Variants in MYO1D observed in about 807,000 individuals in gnomAD.
The protein encoded by MYO1D is myosin ID.
Under a neutral mutation model 122.0 loss-of-function variants are expected in MYO1D, and 83 were observed. The ratio of observed to expected loss-of-function variants is 0.68; its 90% CI spans 0.57 to 0.82. The LOEUF (loss-of-function observed/expected upper bound fraction) is 0.82, where lower values mean the gene tolerates loss of function less well. Ranked by LOEUF, MYO1D falls within the 40% of genes least tolerant of loss-of-function variation. The pLI is 0.00. For missense variants in MYO1D, 1,157 were observed against 1,269.5 expected (o/e 0.91, Z 1.35); for synonymous variants, 464 against 446.9 (o/e 1.04, Z -0.48).
chr17:32,742,642 T>C (rs2089785646), intron 13 of MYO1D, among the ~76,000 whole-genome samples: 2 of 152,226 alleles, frequency 1.3e-5, no homozygotes. Flanking sequence ...TCCCTCAAAA[T>C]GAATGTACCT....
At chr17:32,620,047 C>T (rs1341603093) in intron 20 of MYO1D, among the ~76,000 whole-genome samples, 1 of 152,208 alleles carries the variant, frequency 6.6e-6, no homozygotes, top group Non-Finnish European at 1.5e-5. Flanking sequence ...AAATACTTTA[C>T]TGCCGGATGG....
intron 1 of MYO1D, among the ~76,000 whole-genome samples, chr17:32,797,151 A>G (rs1178728289): frequency 6.6e-6 from 1 of 152,098 alleles, no homozygotes; most frequent in Non-Finnish European, 1.5e-5. Flanking sequence ...TTTGTATTTT[A>G]GTAGAGATGG....
intron 21 of MYO1D, among the ~76,000 whole-genome samples, chr17:32,597,301 G>C (rs1362733922): frequency 6.6e-6 from 1 of 152,148 alleles, no homozygotes; most frequent in Admixed American, 6.5e-5. Context: ...TCCCTGTACT[G>C]AGGTGTCTCA....
At chr17:32,850,803 G>T (rs1260546030) in intron 1 of MYO1D, among the ~76,000 whole-genome samples, 2 of 152,108 alleles carry the variant, frequency 1.3e-5, no homozygotes, top group South Asian at 2.1e-4. Context: ...GTCTTATCAA[G>T]GCTTGGATTG....
chr17:32,865,425 T>C (rs1395263924), intron 1 of MYO1D, among the ~76,000 whole-genome samples: 3 of 152,212 alleles, frequency 2.0e-5, no homozygotes, highest in Non-Finnish European at 4.4e-5. Context: ...CTTGTGAATA[T>C]ACAGTAAGTG....
chr17:32,634,369 C>G (rs146751114), intron 20 of MYO1D, among the ~76,000 whole-genome samples: 6 of 152,248 alleles, frequency 3.9e-5, no homozygotes, highest in Non-Finnish European at 7.4e-5. Context: ...ATTGCTCCAC[C>G]CAGTGTGGAA....
chr17:32,663,414 G>T (rs967493050), intron 16 of MYO1D, among the ~76,000 whole-genome samples: 1 of 152,052 alleles, frequency 6.6e-6, no homozygotes, highest in East Asian at 1.9e-4. Flanking sequence ...ACCTTATCCA[G>T]TCATTCAGTT....
At chr17:32,629,854 A>G (rs1212245958) in intron 20 of MYO1D, among the ~76,000 whole-genome samples, 1 of 152,204 alleles carries the variant, frequency 6.6e-6, no homozygotes. Context: ...TGCATGTAGC[A>G]CTGTACTCTA....
chr17:32,752,826 T>C (rs1471826089), intron 11 of MYO1D, among the ~76,000 whole-genome samples: 4 of 152,176 alleles, frequency 2.6e-5, no homozygotes, highest in South Asian at 2.1e-4. Flanking sequence ...GGAATGTAAA[T>C]TAATACAACT....
At chr17:32,567,163 A>C (rs2087181670) in intron 21 of MYO1D, among the ~76,000 whole-genome samples, 1 of 152,170 alleles carries the variant, frequency 6.6e-6, no homozygotes, top group South Asian at 2.1e-4. Flanking sequence ...TAAATTGAGC[A>C]GGAAATGAAA....
At chr17:32,595,544 CAGG>C (rs1368028793) in intron 21 of MYO1D, among the ~76,000 whole-genome samples, 2 of 152,212 alleles carry the variant, frequency 1.3e-5, no homozygotes, top group South Asian at 2.1e-4. Context: ...TTCTTTCATA[CAGG>C]AGAAGGATTG....
intron 21 of MYO1D, among the ~76,000 whole-genome samples, chr17:32,564,995 A>T (rs2087159615): frequency 6.6e-6 from 1 of 150,520 alleles, no homozygotes; most frequent in Non-Finnish European, 1.5e-5. Flanking sequence ...CATTATAAAG[A>T]AAAAGAAAAT....
chr17:32,605,158 G>C lies in MYO1D; in HGVS notation c.2793C>G (p.Leu931=), dbSNP rs115981197. The C allele has an allele frequency of 7.5e-6, 12 of 1,610,544 alleles. No individual in the cohort carries two copies. The South Asian group carries it at 1.3e-4, about 18-fold the overall frequency. ...TKDNKDLIVC[L]FSKQPTHESR... ...TCTCATGGGTTGGCTGTTTGCTGAA[G>C]AGGCAGACAATGAGGTCTTTGTTGT... The change falls in exon 21 of 22, where the codon CTC becomes CTG. Residue 931 remains leucine (L), a synonymous_variant. Coordinates refer to ENST00000318217, the MANE Select transcript of MYO1D (RefSeq NM_015194.3).
rs1002723456 is a variant in MYO1D at position 32,493,907 on chromosome 17, C to T, written c.*852G>A. On this transcript the variant is annotated 3_prime_UTR_variant, in exon 22 of 22. Coordinates refer to ENST00000318217, the MANE Select transcript of MYO1D (RefSeq NM_015194.3). The stretch of plus-strand genomic sequence containing the variant: ...GAAAGCGGCCGACCCTGAGGGCTGC[C>T]CTCACCCTGGCAGCTCCCCGTTCTC... 1.3e-5 allele frequency: 2 copies of T among 152,272 alleles called. No homozygotes were observed. Among genetic ancestry groups the T allele is most frequent in the African/African-American group, 2.4e-5 (1 of 41,458 alleles). 9.4% of individuals were successfully genotyped at this position (152,272 alleles called of 1,614,324 possible).
intron 21 of MYO1D, among the ~76,000 whole-genome samples, chr17:32,552,787 C>T (rs772255947): frequency 2.6e-5 from 4 of 152,088 alleles, no homozygotes; most frequent in South Asian, 2.1e-4. Context: ...CTATAGTAAG[C>T]GAAACCACAG....
At position 32,730,275 on chromosome 17, in the gene MYO1D, G is replaced by A. The variant is rs546088838; in HGVS notation, c.1746+7978C>T. On this transcript the variant is annotated intron_variant, in intron 14 of 21. Coordinates refer to ENST00000318217, the MANE Select transcript of MYO1D (RefSeq NM_015194.3). ...TTTTTATTATTTTTTTCTGAACTAAGGACCTTAAACACTGGAATTACAATT... is the reference window on the plus strand; with the variant it reads ...TTTTTATTATTTTTTTCTGAACTAAAGACCTTAAACACTGGAATTACAATT... Among the ~76,000 whole-genome samples the A allele has an allele frequency of 6.6e-5, 10 of 151,914 alleles. No individual in the cohort carries two copies. The South Asian group carries it at 1.7e-3, about 25-fold the overall frequency.
chr17:32,505,702 C>T (rs1472385263), intron 21 of MYO1D: 2 of 152,220 alleles, frequency 1.3e-5, no homozygotes, highest in Admixed American at 6.5e-5. Flanking sequence ...CTCACACTTT[C>T]CTTTCTCTTG....
In MYO1D at chr17:32,605,209, G is replaced by A. The variant is rs749298652; in HGVS notation, c.2742C>T (p.Asp914=). The A allele has an allele frequency of 6.3e-7, 1 of 1,589,452 alleles. No homozygotes were observed. Among genetic ancestry groups the A allele is most frequent in the Admixed American group, 1.7e-5 (1 of 59,708 alleles). The part of the protein sequence containing the change: ...LTGLSVSNGK[D]QLVVFHTKDN... ...CTTTCGTATGGAACACTACAAGTTG[G>A]TCCTTTCCATTGGAGACACTCAGAC... is the stretch of plus-strand genomic sequence containing the variant. The change falls in exon 21 of 22, where the codon GAC becomes GAT. Residue 914 remains aspartate (D), a synonymous_variant. Transcript: ENST00000318217.
In MYO1D at chr17:32,876,964, C is replaced by G. The variant is rs2091240415; in HGVS notation, c.-92G>C. The G allele has an allele frequency of 4.2e-6, 3 of 722,460 alleles. No homozygotes were observed. Among genetic ancestry groups the G allele is most frequent in the Non-Finnish European group, 5.7e-6 (3 of 530,856 alleles). The allele number at this position is 722,460 out of a possible 1,614,324, so 44.8% of individuals were successfully genotyped here. A position where few individuals can be genotyped will look rare whatever the true frequency, so the allele number is the denominator to read the frequency against. On this transcript the variant is annotated 5_prime_UTR_variant, in exon 1 of 22. Coordinates refer to ENST00000318217, the MANE Select transcript of MYO1D (RefSeq NM_015194.3). ...AGCTCGGGAGGGGCCGGGGCGAGGC[C>G]GCGCCGCGAGGCTACGGGGAGGGGG...
Sources: allele counts gnomAD v4.1 joint callset (sites outside exome capture counted in the v4.1 genomes callset), GRCh38; gene constraint gnomAD v4.1.1; transcripts MANE v1.5; gene names NCBI Gene and HGNC (gene_info 2026-07-23, HGNC 2026-07-21).